MCC: variants seen among roughly 807,000 people sequenced by gnomAD.
MCC encodes colorectal mutant cancer protein.
MCC carries 90 observed loss-of-function variants against 116.2 expected under a neutral mutation model. The observed-to-expected ratio is 0.77, with a 90% confidence interval of 0.65 to 0.92. The LOEUF (loss-of-function observed/expected upper bound fraction) is 0.92. Ranked by LOEUF, MCC falls within the 40% of genes least tolerant of loss-of-function variation. The pLI, the probability that MCC is intolerant of heterozygous loss-of-function variation, is 0.00. For missense variants in MCC, 1,516 were observed against 1,312.2 expected (o/e 1.16, Z -2.40); for synonymous variants, 578 against 510.5 (o/e 1.13, Z -1.78).
chr5:113,413,094 A>C (rs1404691025), intron 1 of MCC, among the ~76,000 whole-genome samples: 1 of 152,144 alleles, frequency 6.6e-6, no homozygotes. Context: ...CGTACGTTGA[A>C]CCAGCCTTGC....
At position 113,132,358 on chromosome 5, in the gene MCC, A is replaced by G. The variant is rs778356545; in HGVS notation, c.885-9532T>C. On this transcript the variant is annotated intron_variant, in intron 5 of 18. Coordinates refer to ENST00000408903, the MANE Select transcript of MCC (RefSeq NM_001085377.2). ...AATAAGAGGAAAAAGAAAAGTGCAT[A>G]TGTGTGTGTGTGTGTATATATATAC... Among the ~76,000 whole-genome samples, 303 of 136,728 alleles carry G rather than the reference A, an allele frequency of 2.2e-3. 1 individual carries two copies. Among genetic ancestry groups the G allele is most frequent in the Middle Eastern group, 3.6e-3 (1 of 274 alleles). 89.7% of individuals were successfully genotyped at this position (136,728 alleles called of 152,430 possible).
At chr5:113,303,237 T>C (rs747619366) in intron 3 of MCC, among the ~76,000 whole-genome samples, 8 of 152,166 alleles carry the variant, frequency 5.3e-5, no homozygotes, top group Non-Finnish European at 1.0e-4. Flanking sequence ...TATTGGCATA[T>C]AGATTATAGT....
At chr5:113,174,546 T>C (rs1012741975) in intron 3 of MCC, among the ~76,000 whole-genome samples, 2 of 151,986 alleles carry the variant, frequency 1.3e-5, no homozygotes, top group Non-Finnish European at 1.5e-5. Flanking sequence ...TAAAAAAGAA[T>C]GGTATATTGA....
At chr5:113,035,690 A>G (rs1421102882) in intron 17 of MCC, among the ~76,000 whole-genome samples, 1 of 152,164 alleles carries the variant, frequency 6.6e-6, no homozygotes, top group African/African-American at 2.4e-5. Flanking sequence ...TCTCAGCTTC[A>G]GTGTCACCTC....
intron 3 of MCC, among the ~76,000 whole-genome samples, chr5:113,206,335 G>A (rs887189486): frequency 3.3e-5 from 5 of 152,180 alleles, no homozygotes; most frequent in African/African-American, 1.2e-4. Flanking sequence ...ATATACCATA[G>A]AACCTTAAAA....
At chr5:113,147,729 C>T (rs114523708) in intron 4 of MCC, among the ~76,000 whole-genome samples, 164 of 152,100 alleles carry the variant, frequency 1.1e-3, no homozygotes, top group Non-Finnish European at 2.1e-3. Context: ...GGCACCAGCA[C>T]AAAAGGAAAT....
At chr5:113,202,779 CCTTT>C (rs764394721) in intron 3 of MCC, among the ~76,000 whole-genome samples, 13 of 98,298 alleles carry the variant, frequency 1.3e-4, no homozygotes, top group African/African-American at 4.4e-4. Flanking sequence ...GAAAGTTTGC[CCTTT>C]ATTTAAAAAA....
At position 113,318,058 on chromosome 5, in the gene MCC, T is replaced by C. The variant is rs117860870; in HGVS notation, c.627+22461A>G. On this transcript the variant is annotated intron_variant, in intron 3 of 18. Transcript: ENST00000408903. ...GTGGAGGTCAGAGGATTTCCAATTA[T>C]TGATATTGCACTGTAGGGAGATGGA... 3.7e-4 allele frequency among the ~76,000 whole-genome samples: 57 copies of C among 152,348 alleles called. 2 individuals are homozygous for C. The East Asian group carries it at 0.01, about 27-fold the overall frequency.
intron 3 of MCC, among the ~76,000 whole-genome samples, chr5:113,174,532 G>A (rs928543011): frequency 6.6e-6 from 1 of 152,044 alleles, no homozygotes; most frequent in Non-Finnish European, 1.5e-5. Flanking sequence ...ATACTTTGCA[G>A]CTGTAAAAAA....
intron 3 of MCC, among the ~76,000 whole-genome samples, chr5:113,210,306 A>C (rs551212243): frequency 6.6e-6 from 1 of 152,160 alleles, no homozygotes; most frequent in Non-Finnish European, 1.5e-5. Context: ...TTCTCTCTTA[A>C]ATATTTATTC....
intron 3 of MCC, among the ~76,000 whole-genome samples, chr5:113,309,374 A>G (rs1767084200): frequency 6.6e-6 from 1 of 151,228 alleles, no homozygotes; most frequent in Non-Finnish European, 1.5e-5. Flanking sequence ...TCCCATGTCC[A>G]CTCTGCATGC....
At chr5:113,414,316 A>G (rs1770081844) in intron 1 of MCC, among the ~76,000 whole-genome samples, 1 of 152,162 alleles carries the variant, frequency 6.6e-6, no homozygotes, top group Admixed American at 6.6e-5. Context: ...CAAGTCCTGA[A>G]TATCCTTGTT....
At chr5:113,166,967 G>T (rs1410114720) in intron 3 of MCC, among the ~76,000 whole-genome samples, 2 of 152,138 alleles carry the variant, frequency 1.3e-5, no homozygotes, top group Non-Finnish European at 2.9e-5. Context: ...GTGAAGCTTG[G>T]TATGTCTTAC....
At chr5:113,076,010 G>T (rs1374626329) in intron 11 of MCC, among the ~76,000 whole-genome samples, 1 of 152,082 alleles carries the variant, frequency 6.6e-6, no homozygotes, top group Non-Finnish European at 1.5e-5. Context: ...CCACCAGAAG[G>T]AAGAAACTCC....
chr5:113,435,318 T>C (rs1770817146), intron 1 of MCC, among the ~76,000 whole-genome samples: 1 of 151,796 alleles, frequency 6.6e-6, no homozygotes. Context: ...GGGAGCAGAG[T>C]GTAGGGAACC....
chr5:113,460,452 C>G (rs901955237), intron 1 of MCC, among the ~76,000 whole-genome samples: 3 of 152,162 alleles, frequency 2.0e-5, no homozygotes. Context: ...TTTACCTTGT[C>G]TTTTCCCCCA....
chr5:113,456,494 T>A (rs1473960609), intron 1 of MCC, among the ~76,000 whole-genome samples: 4 of 152,016 alleles, frequency 2.6e-5, no homozygotes, highest in Non-Finnish European at 5.9e-5. Context: ...CCTCGCTCTG[T>A]TGCCCAGGCT....
At chr5:113,342,315 C>A (rs575572729) in intron 2 of MCC, among the ~76,000 whole-genome samples, 1 of 152,306 alleles carries the variant, frequency 6.6e-6, no homozygotes, top group African/African-American at 2.4e-5. Context: ...GTGCAAGTAT[C>A]TTTTTCATAT....
intron 2 of MCC, among the ~76,000 whole-genome samples, chr5:113,380,920 G>T (rs1422618976): frequency 6.6e-6 from 1 of 152,232 alleles, no homozygotes; most frequent in Non-Finnish European, 1.5e-5. Context: ...CTCAGAGTGG[G>T]TGGTGTGCAC....
Sources: allele counts gnomAD v4.1 joint callset (sites outside exome capture counted in the v4.1 genomes callset), GRCh38; gene constraint gnomAD v4.1.1; transcripts MANE v1.5; gene names NCBI Gene and HGNC (gene_info 2026-07-23, HGNC 2026-07-21).